Variants in OTUD7A observed in about 807,000 individuals in gnomAD.
OTUD7A encodes the protein OTU domain-containing protein 7A.
OTUD7A carries 12 observed loss-of-function variants against 65.7 expected under a neutral mutation model. The ratio of observed to expected loss-of-function variants is 0.18; its 90% confidence interval spans 0.12 to 0.30. OTUD7A has a LOEUF of 0.30. Among genes scored for constraint, OTUD7A ranks in the 10% least tolerant of loss-of-function variants. The pLI is 1.00. For synonymous variants in OTUD7A, 641 were observed against 586.3 expected (o/e 1.09, Z -1.35); for missense variants, 1,148 against 1,304.8 (o/e 0.88, Z 1.85).
intron 1 of OTUD7A, chr15:31,765,914 AG>A: frequency 7.9e-7 from 1 of 1,272,832 alleles, no homozygotes. Context: ...TCTCCTTTAG[AG>A]GTAAAGTCCT....
intron 1 of OTUD7A, among the ~76,000 whole-genome samples, chr15:31,688,516 T>C (rs1179390832): frequency 2.6e-5 from 4 of 151,888 alleles, no homozygotes; most frequent in Admixed American, 2.0e-4. Context: ...TGATACTTAA[T>C]TGAACACTAG....
intron 1 of OTUD7A, among the ~76,000 whole-genome samples, chr15:31,855,142 C>G (rs1897535957): frequency 6.6e-6 from 1 of 151,710 alleles, no homozygotes; most frequent in African/African-American, 2.4e-5. Flanking sequence ...ACTGACTTAT[C>G]TCTGTCAATT....
chr15:31,754,088 G>A (rs2140895635), intron 1 of OTUD7A, among the ~76,000 whole-genome samples: 1 of 151,998 alleles, frequency 6.6e-6, no homozygotes, highest in East Asian at 1.9e-4. Context: ...ATTGCATTAT[G>A]GTTTTGATTT....
chr15:31,741,285 A>C (rs1894335672), intron 1 of OTUD7A, among the ~76,000 whole-genome samples: 1 of 152,218 alleles, frequency 6.6e-6, no homozygotes, highest in South Asian at 2.1e-4. Context: ...TGGTGGGAAC[A>C]AGGATATAGA....
At chr15:31,792,310 G>A (rs1895839124) in intron 1 of OTUD7A, among the ~76,000 whole-genome samples, 1 of 152,090 alleles carries the variant, frequency 6.6e-6, no homozygotes, top group African/African-American at 2.4e-5. Flanking sequence ...TTTTAACACA[G>A]AAACCGGATG....
At chr15:31,499,092 G>C (rs542087616) in intron 10 of OTUD7A, among the ~76,000 whole-genome samples, 104 of 152,342 alleles carry the variant, frequency 6.8e-4, no homozygotes, top group Non-Finnish European at 1.3e-3. Context: ...CCAGGAGCTG[G>C]ACACATGTGG....
rs905515482 is a variant in OTUD7A at position 31,535,871 on chromosome 15, G to C, written c.551-5063C>G. ...TTTTGTATTTTTTTTTAGTAGAGAC[G>C]GGGTTTCACCGTGTTAGCCAGGATG... On this transcript the variant is annotated intron_variant, in intron 5 of 12. Transcript: ENST00000307050. Among the ~76,000 whole-genome samples, 3 of 151,802 alleles carry C rather than the reference G, an allele frequency of 2.0e-5. No homozygotes were observed. The East Asian group carries it at 5.8e-4, about 29-fold the overall frequency.
intron 1 of OTUD7A, among the ~76,000 whole-genome samples, chr15:31,681,310 T>TCCATCCAC (rs1566972644): frequency 6.6e-6 from 1 of 151,532 alleles, no homozygotes; most frequent in African/African-American, 2.4e-5. Context: ...CATCCATCCA[T>TCCATCCAC]CCATGCACCC....
At chr15:31,595,494 T>C (rs570699007) in intron 3 of OTUD7A, among the ~76,000 whole-genome samples, 1 of 152,318 alleles carries the variant, frequency 6.6e-6, no homozygotes, top group Non-Finnish European at 1.5e-5. Flanking sequence ...TGCACATCAC[T>C]GTAACCACTA....
chr15:31,725,342 A>C (rs1032442234), intron 1 of OTUD7A, among the ~76,000 whole-genome samples: 2 of 152,070 alleles, frequency 1.3e-5, no homozygotes, highest in South Asian at 4.1e-4. Context: ...CTGTTCTACT[A>C]CTGCATGTTG....
intron 5 of OTUD7A, among the ~76,000 whole-genome samples, chr15:31,543,254 C>T (rs16956860): frequency 0.07 from 10,574 of 151,732 alleles, 1,241 homozygotes; most frequent in African/African-American, 0.24. Flanking sequence ...GTGATTCATA[C>T]GCATATTTTA....
At chr15:31,589,156 T>C in intron 3 of OTUD7A, among the ~76,000 whole-genome samples, 1 of 152,000 alleles carries the variant, frequency 6.6e-6, no homozygotes, top group Non-Finnish European at 1.5e-5. Flanking sequence ...TGTATACATA[T>C]ACATACACGC....
At position 31,766,087 on chromosome 15, in the gene OTUD7A, A is replaced by G; in HGVS notation, c.-100+104420T>C. On this transcript the variant is annotated intron_variant, in intron 1 of 12. Coordinates refer to ENST00000307050, the MANE Select transcript of OTUD7A (RefSeq NM_001382637.1). Reference sequence around the variant, plus strand: ...CTTTCAATATGTCCCCTTTTTAAGTAGTCAAGATGTTTTTCCACTGCAGTC... The same window carrying G: ...CTTTCAATATGTCCCCTTTTTAAGTGGTCAAGATGTTTTTCCACTGCAGTC... 4.1e-6 allele frequency: 6 copies of G among 1,465,662 alleles called. No homozygotes were observed. The South Asian group carries it at 6.8e-5, about 17-fold the overall frequency. The allele number at this position is 1,465,662 out of a possible 1,614,324, so 90.8% of individuals were successfully genotyped here.
At position 31,487,510 on chromosome 15, in the gene OTUD7A, C is replaced by G; in HGVS notation, c.1228G>C (p.Asp410His). Residue 410 changes from aspartate to histidine, a missense_variant, in exon 11 of 13, where the codon GAC becomes CAC. Physicochemically the swap from Asp to His is moderately conservative, Grantham distance 81. Coordinates refer to ENST00000307050, the MANE Select transcript of OTUD7A (RefSeq NM_001382637.1). This position sits in a 1 kb window ranked among gnomAD's most constrained non-coding sequence, Gnocchi z 6.0. Reference protein sequence around the residue: ...HKLLPLHFAVDPGKDWEWGKD... With the variant: ...HKLLPLHFAVHPGKDWEWGKD... ...CCCCACTCCCAGTCCTTGCCAGGGT[C>G]CACTGCAAAGTGCAGAGGCAGCAGC... The G allele has an allele frequency of 6.2e-7, 1 of 1,614,072 alleles. No homozygotes were observed. Among genetic ancestry groups the G allele is most frequent in the Non-Finnish European group, 8.5e-7 (1 of 1,180,018 alleles).
chr15:31,653,768 A>T (rs1891909698), intron 3 of OTUD7A, among the ~76,000 whole-genome samples: 1 of 151,186 alleles, frequency 6.6e-6, no homozygotes, highest in Admixed American at 6.6e-5. Flanking sequence ...TGAAAAATAT[A>T]AGTAAAAAAA....
At chr15:31,671,143 G>C (rs7175542) in intron 1 of OTUD7A, among the ~76,000 whole-genome samples, 26,653 of 152,136 alleles carry the variant, frequency 0.18, 2,597 homozygotes, top group East Asian at 0.25. Flanking sequence ...TGAAATCTTT[G>C]CCCATGCCTA....
chr15:31,604,434 G>C (rs1465551765), intron 3 of OTUD7A, among the ~76,000 whole-genome samples: 1 of 152,068 alleles, frequency 6.6e-6, no homozygotes, highest in Non-Finnish European at 1.5e-5. Context: ...TCACACATCG[G>C]GGCCTGTTGA....
At chr15:31,806,590 A>G (rs1896276166) in intron 1 of OTUD7A, among the ~76,000 whole-genome samples, 1 of 152,206 alleles carries the variant, frequency 6.6e-6, no homozygotes. Context: ...AAGGACCCCC[A>G]ATGACCACTG....
chr15:31,755,911 G>A (rs1003054013), intron 1 of OTUD7A, among the ~76,000 whole-genome samples: 1 of 151,986 alleles, frequency 6.6e-6, no homozygotes, highest in Non-Finnish European at 1.5e-5. Context: ...CAGGGGGTGT[G>A]CAGTGGCTGG....
Sources: gnomAD v4.1 joint callset for allele counts (sites outside exome capture counted in the v4.1 genomes callset) on GRCh38, gnomAD v4.1.1 for gene constraint, Gnocchi (gnomAD v3.1) non-coding constraint, MANE v1.5 for transcripts, NCBI Gene and HGNC (gene_info 2026-07-23, HGNC 2026-07-21) for gene names.